HYCC1: variants seen among roughly 807,000 people sequenced by gnomAD.
The protein encoded by HYCC1 is hyccin.
chr7:22,989,399 C>T, the HYCC1 span, among the ~76,000 whole-genome samples: 1 of 152,080 alleles, frequency 6.6e-6, no homozygotes, highest in Non-Finnish European at 1.5e-5. Context: ...CCAGACTGGA[C>T]AGCAGTGGTG....
chr7:22,922,957 A>G, the HYCC1 span, among the ~76,000 whole-genome samples: 2 of 152,238 alleles, frequency 1.3e-5, no homozygotes, highest in African/African-American at 4.8e-5. Context: ...CAATTTAACA[A>G]TAATAGTGAG....
the HYCC1 span, chr7:22,964,430 C>T: frequency 1.9e-6 from 3 of 1,582,956 alleles, no homozygotes; most frequent in Non-Finnish European, 2.6e-6. Context: ...AAAATAAATC[C>T]CTGTTAACAT....
At chr7:22,941,999 T>G in the HYCC1 span, 1 of 152,222 alleles carries the variant, frequency 6.6e-6, no homozygotes, top group Admixed American at 6.5e-5. Context: ...ATTTCCTTGA[T>G]GTGCTTCCCT....
At chr7:22,950,389 T>C in the HYCC1 span, among the ~76,000 whole-genome samples, 12 of 152,198 alleles carry the variant, frequency 7.9e-5, no homozygotes, top group African/African-American at 2.4e-4. Flanking sequence ...ATCTAGTCAC[T>C]ACTATGTATC....
At chr7:23,003,501 T>C in the HYCC1 span, among the ~76,000 whole-genome samples, 1 of 152,218 alleles carries the variant, frequency 6.6e-6, no homozygotes, top group African/African-American at 2.4e-5. Flanking sequence ...ACATTATCTT[T>C]CAATCATTTT....
At chr7:22,929,435 C>G in the HYCC1 span, among the ~76,000 whole-genome samples, 3 of 152,174 alleles carry the variant, frequency 2.0e-5, no homozygotes, top group African/African-American at 7.2e-5. Flanking sequence ...TTTTTGCAAC[C>G]TACTCAATCT....
chr7:22,924,109 G>A, the HYCC1 span, among the ~76,000 whole-genome samples: 1 of 149,896 alleles, frequency 6.7e-6, no homozygotes, highest in Non-Finnish European at 1.5e-5. Context: ...AACCCAGGGG[G>A]TGAAAGTTGC....
chr7:22,978,468 T>A, the HYCC1 span: 4 of 1,604,212 alleles, frequency 2.5e-6, no homozygotes, highest in Non-Finnish European at 1.7e-6. Flanking sequence ...AGACAAAATG[T>A]TAATTCAAGA....
At chr7:22,991,068 T>C in the HYCC1 span, 1 of 1,605,380 alleles carries the variant, frequency 6.2e-7, no homozygotes, top group East Asian at 2.2e-5. Context: ...TACCTTAAAC[T>C]CTGACAACCA....
the HYCC1 span, chr7:22,943,367 A>G: frequency 6.6e-6 from 1 of 152,162 alleles, no homozygotes; most frequent in South Asian, 2.1e-4. Flanking sequence ...TCTCATAAAA[A>G]TCACTTGGGA....
At chr7:23,012,577 C>T in the HYCC1 span, among the ~76,000 whole-genome samples, 1 of 152,162 alleles carries the variant, frequency 6.6e-6, no homozygotes, top group African/African-American at 2.4e-5. Flanking sequence ...GACTTTGAAG[C>T]CACTATTGGC....
the HYCC1 span, among the ~76,000 whole-genome samples, chr7:22,923,522 AAAGC>A: frequency 6.6e-6 from 1 of 152,176 alleles, no homozygotes; most frequent in Non-Finnish European, 1.5e-5. Flanking sequence ...AACGAAACTC[AAAGC>A]AAGAGGAAGA....
chr7:23,004,886 A>AGCT, the HYCC1 span, among the ~76,000 whole-genome samples: 1 of 152,154 alleles, frequency 6.6e-6, no homozygotes, highest in Non-Finnish European at 1.5e-5. Context: ...GCTCACTGCA[A>AGCT]CCAGTGCCTC....
At chr7:22,919,001 G>A in the HYCC1 span, among the ~76,000 whole-genome samples, 4 of 152,110 alleles carry the variant, frequency 2.6e-5, no homozygotes, top group Non-Finnish European at 5.9e-5. Context: ...ACAAAAACAA[G>A]TCCCAGAGAG....
At chr7:22,983,912 C>G in the HYCC1 span, 1 of 1,235,582 alleles carries the variant, frequency 8.1e-7, no homozygotes, top group Non-Finnish European at 1.2e-6. Flanking sequence ...CAAGTCAATA[C>G]TGTTAGCACA....
chr7:22,976,729 G>A, the HYCC1 span: 1 of 1,612,982 alleles, frequency 6.2e-7, no homozygotes, highest in Non-Finnish European at 8.5e-7. Flanking sequence ...TTGAGGATGA[G>A]GTCCACTGTA....
the HYCC1 span, among the ~76,000 whole-genome samples, chr7:22,982,961 C>G: frequency 1.3e-5 from 2 of 151,686 alleles, no homozygotes; most frequent in Admixed American, 6.6e-5. Context: ...AATTTTTTTT[C>G]TATTTCTACT....
chr7:22,928,137 C>G, the HYCC1 span, among the ~76,000 whole-genome samples: 250 of 152,092 alleles, frequency 1.6e-3, 1 homozygote, highest in East Asian at 5.0e-3. Flanking sequence ...ATTCAACAAC[C>G]CTTCATGCTA....
At chr7:22,962,578 G>GAAA in the HYCC1 span, among the ~76,000 whole-genome samples, 9 of 137,288 alleles carry the variant, frequency 6.6e-5, no homozygotes, top group Admixed American at 5.8e-4. Context: ...CTGAGGGTAA[G>GAAA]AAAAAAAAAA....
Sources: allele counts gnomAD v4.1 joint callset (sites outside exome capture counted in the v4.1 genomes callset), GRCh38; gene constraint gnomAD v4.1.1; transcripts MANE v1.5; gene names NCBI Gene and HGNC (gene_info 2026-07-23, HGNC 2026-07-21).